CAPRIN2: variants seen among roughly 807,000 people sequenced by gnomAD.
CAPRIN2 encodes the protein caprin-2.
Under a neutral mutation model 130.4 loss-of-function variants are expected in CAPRIN2, and 66 were observed. The ratio of observed to expected loss-of-function variants is 0.51; its 90% CI spans 0.42 to 0.62. The LOEUF (loss-of-function observed/expected upper bound fraction) is 0.62. Among genes scored for constraint, CAPRIN2 ranks in the 20% least tolerant of loss-of-function variants. The pLI is 0.00. For missense variants in CAPRIN2, 1,185 were observed against 1,246.6 expected (o/e 0.95, Z 0.74); for synonymous variants, 471 against 444.1 (o/e 1.06, Z -0.76).
At chr12:30,711,923 G>A (rs953620369) in intron 15 of CAPRIN2, 1 of 506,166 alleles carries the variant, frequency 2.0e-6, no homozygotes, top group African/African-American at 1.9e-5. Context: ...TAGGTAATGA[G>A]AGAAATTTTT....
chr12:30,716,441 T>C (rs2057588801), intron 13 of CAPRIN2, 67 bp downstream of exon 15: 1 of 1,419,736 alleles, frequency 7.0e-7, no homozygotes, highest in Non-Finnish European at 9.9e-7. Context: ...ACAGACTTCC[T>C]AGACTTGCTG....
Position 30,750,513 on chromosome 12 carries a change from G to A in CAPRIN2, c.483+558C>T, listed in dbSNP as rs146825746. The stretch of plus-strand genomic sequence containing the variant: ...AGTTAACCGATGGAAAAAAATGCAA[G>A]TAGCTTAATGTTTATAGTAAGCTTT... On this transcript the variant is annotated intron_variant, in intron 2 of 16. Coordinates refer to ENST00000298892, the Ensembl canonical transcript of CAPRIN2. 3.9e-3 allele frequency among the ~76,000 whole-genome samples: 585 copies of A among 151,674 alleles called. 5 individuals carry two copies. Among genetic ancestry groups the A allele is most frequent in the African/African-American group, 0.013 (540 of 41,286 alleles).
chr12:30,725,925 G>T (rs7304879), intron 9 of CAPRIN2, 41 bp downstream of exon 10: 1 of 1,442,586 alleles, frequency 6.9e-7, no homozygotes, highest in Non-Finnish European at 9.3e-7. Flanking sequence ...CCAGTCAGAA[G>T]CCCCATGAAT....
chr12:30,722,185 GGCAGTTCCTGCTTCCA>G (rs1177338691), intron 11 of CAPRIN2, among the ~76,000 whole-genome samples: 3 of 152,160 alleles, frequency 2.0e-5, no homozygotes, highest in Non-Finnish European at 4.4e-5. Context: ...TAGAAGTGAT[GGCAGTTCCTGCTTCCA>G]AATTAGTGCT....
intron 11 of CAPRIN2, among the ~76,000 whole-genome samples, chr12:30,721,312 G>A (rs1316762314): frequency 2.6e-5 from 4 of 151,770 alleles, no homozygotes; most frequent in Non-Finnish European, 5.9e-5. Flanking sequence ...GTGAGCTCCG[G>A]GTACGTTTAA....
exon 11 of CAPRIN2, chr12:30,723,314 G>A (rs1305465849): frequency 6.2e-7 from 1 of 1,608,358 alleles, no homozygotes; most frequent in East Asian, 2.2e-5. Context: ...TTCTTTAGAT[G>A]CTGCAAGGAG....
intron 12 of CAPRIN2, among the ~76,000 whole-genome samples, chr12:30,718,098 G>C (rs2058230744): frequency 6.6e-6 from 1 of 152,142 alleles, no homozygotes; most frequent in Admixed American, 6.5e-5. Context: ...GAATATATAA[G>C]GCAAGCTCAG....
chr12:30,718,017 C>T (rs191955000), intron 12 of CAPRIN2, among the ~76,000 whole-genome samples: 15 of 152,266 alleles, frequency 9.9e-5, no homozygotes, highest in African/African-American at 3.4e-4. Flanking sequence ...TGAGTAAGAA[C>T]CAATGTGTAC....
At chr12:30,736,993 AAAGT>A (rs1394058020) in intron 3 of CAPRIN2, among the ~76,000 whole-genome samples, 1 of 152,062 alleles carries the variant, frequency 6.6e-6, no homozygotes, top group Non-Finnish European at 1.5e-5. Context: ...TTCCCCTATC[AAAGT>A]ATTTTTGGGT....
At chr12:30,712,452 C>T (rs1435036716) in intron 15 of CAPRIN2, among the ~76,000 whole-genome samples, 1 of 152,208 alleles carries the variant, frequency 6.6e-6, no homozygotes, top group African/African-American at 2.4e-5. Flanking sequence ...TATTAATAAA[C>T]ATCCTCCCCT....
chr12:30,720,999 T>C (rs1172976825), intron 11 of CAPRIN2, 84 bp from the exon 13 acceptor site: 6 of 884,944 alleles, frequency 6.8e-6, no homozygotes, highest in Admixed American at 1.8e-5. Context: ...CCTAATATGT[T>C]ACTCTTACTG....
intron 12 of CAPRIN2, chr12:30,719,159 A>T (rs773027340): frequency 6.2e-7 from 1 of 1,614,084 alleles, no homozygotes; most frequent in Admixed American, 1.7e-5. Flanking sequence ...CCCTGTTCAG[A>T]GCCCTTTGCC....
chr12:30,709,662 A>AAT, exon 17 of CAPRIN2: 2 of 452,082 alleles, frequency 4.4e-6, no homozygotes, highest in Non-Finnish European at 7.9e-6. Flanking sequence ...AAGTGCAAAC[A>AAT]ATATACATTC....
intron 4 of CAPRIN2, 30 bp from the exon 6 acceptor site, chr12:30,733,741 G>C: frequency 6.5e-7 from 1 of 1,529,880 alleles, no homozygotes; most frequent in Non-Finnish European, 9.1e-7. Flanking sequence ...GCAGAACAAA[G>C]TGGCTTTAGA....
chr12:30,720,864 C>G lies in CAPRIN2; in HGVS notation c.2095G>C (p.Asp699His), dbSNP rs371879635. The stretch of plus-strand genomic sequence containing the variant: ...GTTTCAGATCCAGAAGAAGCCTGAT[C>G]GGTAGTAACCAAGCAAGCATTTGAG... Residue 699 changes from aspartate to histidine, a missense_variant, in exon 12 of 17, where the codon GAT becomes CAT. Around this residue, in one of 2 missense-constraint regions of CAPRIN2, gnomAD observed 1,104 missense variants for 1,104.3 expected, o/e 1.00. Transcript: ENST00000298892. 5.0e-6 allele frequency: 8 copies of G among 1,613,582 alleles called. No individual in the cohort carries two copies. In the African/African-American group the frequency reaches 1.1e-4, roughly 22 times the overall value.
intron 7 of CAPRIN2, 52 bp downstream of exon 8, chr12:30,730,187 T>C: frequency 1.2e-5 from 17 of 1,432,856 alleles, no homozygotes; most frequent in Non-Finnish European, 1.7e-5. Flanking sequence ...ACCATAACCC[T>C]ATGCAAAAGG....
chr12:30,739,632 G>A (rs10843829), intron 3 of CAPRIN2, among the ~76,000 whole-genome samples: 43,433 of 151,430 alleles, frequency 0.29, 6,414 homozygotes, highest in Non-Finnish European at 0.33. Flanking sequence ...GAAGAATCGC[G>A]TGAACCCGGG....
chr12:30,730,323 T>G, intron 6 of CAPRIN2, 41 bp from the exon 8 acceptor site: 1 of 1,397,540 alleles, frequency 7.2e-7, no homozygotes, highest in Non-Finnish European at 1.0e-6. Flanking sequence ...CTAGGTGAAC[T>G]GTAAGTTTTT....
intron 5 of CAPRIN2, among the ~76,000 whole-genome samples, chr12:30,733,355 T>G (rs918945531): frequency 6.6e-6 from 1 of 152,122 alleles, no homozygotes; most frequent in Non-Finnish European, 1.5e-5. Context: ...CCCAAAATGA[T>G]CAAGCTAGTG....
Sources: gnomAD v4.1 joint callset for allele counts (sites outside exome capture counted in the v4.1 genomes callset) on GRCh38, gnomAD v4.1.1 for gene constraint, gnomAD v4.1.1 regional missense constraint, MANE v1.5 for transcripts, NCBI Gene and HGNC (gene_info 2026-07-23, HGNC 2026-07-21) for gene names.